Variants in DPP10 observed in about 807,000 individuals in gnomAD.
The protein encoded by DPP10 is inactive dipeptidyl peptidase 10.
A neutral mutation model predicts 120.9 loss-of-function variants in DPP10; 33 were observed. The observed-to-expected ratio is 0.27, with a 90% CI of 0.21 to 0.37. The LOEUF (loss-of-function observed/expected upper bound fraction) is 0.37. DPP10 is among the 10% of genes least tolerant of loss of function. The pLI, the probability that DPP10 is intolerant of heterozygous loss-of-function variation, is 1.00. For missense variants in DPP10, 816 were observed against 942.8 expected (o/e 0.87, Z 1.76); for synonymous variants, 337 against 326.1 (o/e 1.03, Z -0.36).
At chr2:114,790,054 A>G (rs1210754005) in intron 1 of DPP10, among the ~76,000 whole-genome samples, 1 of 152,246 alleles carries the variant, frequency 6.6e-6, no homozygotes, top group East Asian at 1.9e-4. Flanking sequence ...ACTAAAGGAA[A>G]CAGTACATAT....
rs1201117020 is a variant in DPP10, at chr2:115,280,286, A to G, written c.61-28953A>G. Among the ~76,000 whole-genome samples the G allele has an allele frequency of 2.0e-5, 3 of 152,302 alleles. No individual in the cohort carries two copies. In the South Asian group the frequency reaches 6.2e-4, roughly 32 times the overall value. On this transcript the variant is annotated intron_variant, in intron 1 of 25. Coordinates refer to ENST00000410059, the MANE Select transcript of DPP10 (RefSeq NM_020868.6). ...TCTACTTTTAGGCATGTAGGTAAAA[A>G]TGTCAGTAACAATGCAGAAAGCCAG...
Position 115,451,543 on chromosome 2 carries a change from CATA to C in DPP10, c.272-47963_272-47961del, listed in dbSNP as rs1196644420. Reference sequence around the variant, plus strand: ...ATCATAATTTCCATTTTAGTATTTTCATAATACTATATTTGATAGAAGTCACTT... The same window carrying C: ...ATCATAATTTCCATTTTAGTATTTTCATACTATATTTGATAGAAGTCACTT... On this transcript the variant is annotated intron_variant, in intron 3 of 25. Coordinates refer to ENST00000410059, the MANE Select transcript of DPP10 (RefSeq NM_020868.6). 2.0e-5 allele frequency among the ~76,000 whole-genome samples: 3 copies of C among 151,856 alleles called. 1 individual carries two copies. The highest frequency in any genetic ancestry group is 7.2e-5 in the African/African-American group (3 of 41,458).
At chr2:115,621,886 C>T (rs941575640) in intron 5 of DPP10, among the ~76,000 whole-genome samples, 2 of 152,070 alleles carry the variant, frequency 1.3e-5, no homozygotes, top group Admixed American at 6.6e-5. Context: ...GCATGTTGGC[C>T]AGGCTGGTCT....
intron 1 of DPP10, among the ~76,000 whole-genome samples, chr2:114,846,242 G>C (rs1340845417): frequency 2.6e-5 from 4 of 152,028 alleles, no homozygotes; most frequent in Non-Finnish European, 5.9e-5. Flanking sequence ...CACAAATGCT[G>C]TCTCACCCCA....
chr2:115,718,555 C>G (rs545767100), intron 7 of DPP10, among the ~76,000 whole-genome samples: 1 of 150,874 alleles, frequency 6.6e-6, no homozygotes, highest in African/African-American at 2.4e-5. Flanking sequence ...TTTTTATTTT[C>G]TATTTTGAGT....
At chr2:114,602,515 G>C (rs528214814) in intron 1 of DPP10, among the ~76,000 whole-genome samples, 1 of 151,956 alleles carries the variant, frequency 6.6e-6, no homozygotes, top group South Asian at 2.1e-4. Context: ...GTCTGGGCCA[G>C]AGAGATTCCA....
At chr2:114,649,755 T>A (rs1696435994) in intron 1 of DPP10, among the ~76,000 whole-genome samples, 1 of 152,182 alleles carries the variant, frequency 6.6e-6, no homozygotes, top group Non-Finnish European at 1.5e-5. Context: ...GGATCAAACT[T>A]TTATTTTCCC....
At chr2:115,159,600 G>A (rs1250228571) in intron 1 of DPP10, among the ~76,000 whole-genome samples, 1 of 152,048 alleles carries the variant, frequency 6.6e-6, no homozygotes, top group Non-Finnish European at 1.5e-5. Context: ...ATGTGATTAA[G>A]TTTTAATCAG....
At chr2:115,494,532 GA>G (rs1344396231) in intron 3 of DPP10, among the ~76,000 whole-genome samples, 1 of 152,096 alleles carries the variant, frequency 6.6e-6, no homozygotes, top group Non-Finnish European at 1.5e-5. Context: ...TTAGGGAGTT[GA>G]ATTAGGAGCC....
chr2:115,179,802 C>T (rs1490532509), intron 1 of DPP10, among the ~76,000 whole-genome samples: 1 of 151,932 alleles, frequency 6.6e-6, no homozygotes, highest in Non-Finnish European at 1.5e-5. Context: ...ACAAACACAC[C>T]AGGAAGAAAA....
chr2:115,406,005 T>TACCGC (rs1304551225), intron 3 of DPP10, among the ~76,000 whole-genome samples: 1 of 152,240 alleles, frequency 6.6e-6, no homozygotes, highest in Non-Finnish European at 1.5e-5. Flanking sequence ...AGAGTTGCTG[T>TACCGC]ACCGCACCCT....
At chr2:114,481,029 A>T (rs1181065479) in intron 1 of DPP10, among the ~76,000 whole-genome samples, 1 of 151,896 alleles carries the variant, frequency 6.6e-6, no homozygotes, top group Non-Finnish European at 1.5e-5. Flanking sequence ...AGTTAGGGGA[A>T]AAAAAAACAG....
At chr2:115,319,329 A>G (rs1372979263) in intron 2 of DPP10, among the ~76,000 whole-genome samples, 2 of 152,110 alleles carry the variant, frequency 1.3e-5, no homozygotes, top group South Asian at 2.1e-4. Flanking sequence ...ATCTGTATTT[A>G]TAAGAGATAT....
At chr2:114,903,757 C>T (rs1693768020) in intron 1 of DPP10, among the ~76,000 whole-genome samples, 1 of 152,090 alleles carries the variant, frequency 6.6e-6, no homozygotes, top group Admixed American at 6.6e-5. Flanking sequence ...AAGGTGGTGC[C>T]ATAACCAGAT....
chr2:115,364,808 C>T (rs1321280467), intron 3 of DPP10, among the ~76,000 whole-genome samples: 1 of 151,998 alleles, frequency 6.6e-6, no homozygotes, highest in East Asian at 1.9e-4. Context: ...TGAATTACTA[C>T]TTTGGTACAA....
intron 1 of DPP10, among the ~76,000 whole-genome samples, chr2:114,669,103 A>G (rs1358553419): frequency 6.6e-6 from 1 of 152,168 alleles, no homozygotes; most frequent in Admixed American, 6.6e-5. Context: ...TCAAGGTTGC[A>G]TCTACTTTCT....
chr2:114,896,788 G>A (rs2106634161), intron 1 of DPP10, among the ~76,000 whole-genome samples: 1 of 151,702 alleles, frequency 6.6e-6, no homozygotes, highest in East Asian at 1.9e-4. Flanking sequence ...TAGGAGTGGT[G>A]AGAGAGGGCA....
intron 21 of DPP10, among the ~76,000 whole-genome samples, chr2:115,818,912 G>GAA (rs35226682): frequency 6.6e-6 from 1 of 151,890 alleles, no homozygotes; most frequent in African/African-American, 2.4e-5. Context: ...ATCTTAAATG[G>GAA]AAAAAATATT....
chr2:115,580,576 A>G (rs1223193954), intron 5 of DPP10, among the ~76,000 whole-genome samples: 1 of 152,016 alleles, frequency 6.6e-6, no homozygotes, highest in Non-Finnish European at 1.5e-5. Flanking sequence ...TTCCCTGTGG[A>G]TCTATGAACA....
Sources: gnomAD v4.1 joint callset for allele counts (sites outside exome capture counted in the v4.1 genomes callset) on GRCh38, gnomAD v4.1.1 for gene constraint, MANE v1.5 for transcripts, NCBI Gene and HGNC (gene_info 2026-07-23, HGNC 2026-07-21) for gene names.